UBR2: variants seen among roughly 807,000 people sequenced by gnomAD.
The protein encoded by UBR2 is ubiquitin protein ligase E3 component n-recognin 2.
Under a neutral mutation model 247.9 loss-of-function variants are expected in UBR2, and 92 were observed. The ratio of observed to expected loss-of-function variants is 0.37; its 90% confidence interval spans 0.31 to 0.44. The LOEUF (loss-of-function observed/expected upper bound fraction) is 0.44, where lower values mean the gene tolerates loss of function less well. Among genes scored for constraint, UBR2 ranks in the 20% least tolerant of loss-of-function variants. UBR2 has a pLI of 1.00. For missense variants in UBR2, 1,613 were observed against 2,112.6 expected, an observed-to-expected ratio of 0.76 and a Z score of 4.64; for synonymous variants, 672 against 693.5, an observed-to-expected ratio of 0.97 and a Z score of 0.49.
chr6:42,589,661 C>A (rs1041708074), intron 2 of UBR2, among the ~76,000 whole-genome samples: 8 of 152,128 alleles, frequency 5.3e-5, no homozygotes, highest in Admixed American at 1.3e-4. Context: ...GTTATTAGTT[C>A]TTGACTCAAT....
chr6:42,623,929 A>T (rs1207020627), intron 11 of UBR2, among the ~76,000 whole-genome samples: 3 of 151,910 alleles, frequency 2.0e-5, no homozygotes, highest in East Asian at 1.9e-4. Context: ...TGGTTGTGGT[A>T]TATTATCCTT....
chr6:42,658,218 A>G (rs772941726), intron 27 of UBR2, 22 bp from the exon 28 acceptor site: 2 of 1,609,310 alleles, frequency 1.2e-6, no homozygotes, highest in Non-Finnish European at 1.7e-6. Context: ...CATACAGGAT[A>G]CTGATACTTT....
At chr6:42,678,758 A>C in intron 41 of UBR2, 89 bp downstream of exon 41, 1 of 1,451,296 alleles carries the variant, frequency 6.9e-7, no homozygotes, top group Non-Finnish European at 9.3e-7. Context: ...ATGAAAATTG[A>C]CTAAAAGTTC....
intron 33 of UBR2, 144 bp from the exon 34 acceptor site, chr6:42,666,023 G>A (rs1415151858): frequency 4.9e-6 from 3 of 611,848 alleles, no homozygotes; most frequent in African/African-American, 3.8e-5. Context: ...GAGCAATAAC[G>A]TTTTCATGCT....
intron 44 of UBR2, among the ~76,000 whole-genome samples, chr6:42,687,385 G>A (rs1206955895): frequency 6.6e-6 from 1 of 152,226 alleles, no homozygotes; most frequent in East Asian, 1.9e-4. Flanking sequence ...TGGGCAGGCT[G>A]AGACAGGAGA....
intron 1 of UBR2, among the ~76,000 whole-genome samples, chr6:42,570,986 A>ATT (rs1288392012): frequency 6.3e-5 from 9 of 143,370 alleles, no homozygotes; most frequent in African/African-American, 1.3e-4. Context: ...AGCCTGGCCG[A>ATT]TTTTTTTTTT....
chr6:42,679,885 C>T (rs1798931483), intron 42 of UBR2, 53 bp downstream of exon 42: 6 of 1,297,826 alleles, frequency 4.6e-6, no homozygotes, highest in South Asian at 2.7e-5. Flanking sequence ...TGGAACCAAA[C>T]TTTAGTTATC....
rs371253524 is a variant in UBR2, at chr6:42,652,034, G to T, written c.2577G>T (p.Ala859=). 1.3e-6 allele frequency: 2 copies of T among 1,593,546 alleles called. No homozygotes were observed. The highest frequency in any genetic ancestry group is 1.7e-6 in the Non-Finnish European group (2 of 1,172,538). ...TTATTTTTTATTAGGCAGAAGAAGC[G>T]CAACGGAAATTGAAAAGACAAAATA... ...SRAEQSKAEE[A]QRKLKRQNRE... Residue 859 remains alanine, a synonymous_variant, in exon 24 of 47, where the codon GCG becomes GCT. Transcript: ENST00000372901.
At chr6:42,614,070 G>T (rs1794260642) in intron 8 of UBR2, among the ~76,000 whole-genome samples, 1 of 149,772 alleles carries the variant, frequency 6.7e-6, no homozygotes. Flanking sequence ...CCAGGTACTT[G>T]GGAGGCTGAG....
At chr6:42,603,295 G>A (rs1340781305) in intron 4 of UBR2, among the ~76,000 whole-genome samples, 1 of 152,202 alleles carries the variant, frequency 6.6e-6, no homozygotes, top group Non-Finnish European at 1.5e-5. Context: ...TTAAGTTTTT[G>A]AGATCGTGGA....
intron 10 of UBR2, among the ~76,000 whole-genome samples, chr6:42,616,514 A>G (rs1377891126): frequency 6.6e-6 from 1 of 151,458 alleles, no homozygotes; most frequent in Admixed American, 6.6e-5. Context: ...TTTTTTTTGG[A>G]GGGGGGGCAT....
chr6:42,616,129 G>A, intron 10 of UBR2, 39 bp downstream of exon 10: 3 of 1,402,180 alleles, frequency 2.1e-6, no homozygotes, highest in Non-Finnish European at 2.9e-6. Context: ...GTTATATATA[G>A]AGTAACTATG....
intron 13 of UBR2, 111 bp downstream of exon 13, chr6:42,633,015 T>C: frequency 1.4e-6 from 1 of 715,560 alleles, no homozygotes; most frequent in Admixed American, 3.7e-5. Flanking sequence ...GGTCTCACTG[T>C]GTTGCCCAGG....
chr6:42,623,250 A>G (rs1393399241), intron 11 of UBR2, among the ~76,000 whole-genome samples: 2 of 152,014 alleles, frequency 1.3e-5, no homozygotes, highest in Non-Finnish European at 2.9e-5. Context: ...GATTGTTTAT[A>G]GATACTCTTT....
At chr6:42,644,798 G>T (rs1419908650) in intron 20 of UBR2, among the ~76,000 whole-genome samples, 1 of 152,100 alleles carries the variant, frequency 6.6e-6, no homozygotes, top group Non-Finnish European at 1.5e-5. Flanking sequence ...GTGGTGGTAG[G>T]GGGAGCGGGG....
At chr6:42,684,314 C>A (rs188826256) in intron 43 of UBR2, among the ~76,000 whole-genome samples, 2 of 152,058 alleles carry the variant, frequency 1.3e-5, no homozygotes, top group African/African-American at 2.4e-5. Flanking sequence ...CATTGGCTCA[C>A]GCCTGTAATC....
At chr6:42,589,333 T>G (rs1004965506) in intron 2 of UBR2, among the ~76,000 whole-genome samples, 2 of 152,190 alleles carry the variant, frequency 1.3e-5, no homozygotes, top group African/African-American at 4.8e-5. Context: ...TTACATGATT[T>G]TCAGATGTTG....
chr6:42,683,072 A>C lies in UBR2; in HGVS notation c.4736A>C (p.Glu1579Ala). The C allele has an allele frequency of 1.2e-6, 2 of 1,612,824 alleles. No homozygotes were observed. The highest frequency in any genetic ancestry group is 1.7e-6 in the Non-Finnish European group (2 of 1,179,562). Residue 1579 changes from glutamate (E) to alanine (A), a missense_variant, in exon 43 of 47, where the codon GAA becomes GCA. Coordinates refer to ENST00000372901, the MANE Select transcript of UBR2 (RefSeq NM_001363705.2). ...SLIESWCRNS[E>A]VKRYLEGERD... is the part of the protein sequence containing the mutation. The stretch of plus-strand genomic sequence containing the variant: ...CATTAAAGTTGGTGCCGTAACAGTG[A>C]AGTTAAAAGATATCTAGAAGGTGAA...
chr6:42,678,478 A>T, intron 40 of UBR2, 61 bp from the exon 41 acceptor site: 1 of 1,535,726 alleles, frequency 6.5e-7, no homozygotes, highest in Non-Finnish European at 8.7e-7. Context: ...CTGTTTTCAC[A>T]CTATAAGTAC....
Sources: allele counts gnomAD v4.1 joint callset (sites outside exome capture counted in the v4.1 genomes callset), GRCh38; gene constraint gnomAD v4.1.1; transcripts MANE v1.5; gene names NCBI Gene and HGNC (gene_info 2026-07-23, HGNC 2026-07-21).